Variants in SUPT20H observed in about 807,000 individuals in gnomAD.
The protein encoded by SUPT20H is SPT20 homolog, SAGA complex component.
A neutral mutation model predicts 122.8 loss-of-function variants in SUPT20H; 82 were observed. That is an observed-to-expected ratio of 0.67 (90% CI 0.56 to 0.80). The LOEUF (loss-of-function observed/expected upper bound fraction) is 0.80, where lower values mean the gene tolerates loss of function less well. Among genes scored for constraint, SUPT20H ranks in the 30% least tolerant of loss-of-function variants. The probability of loss-of-function intolerance (pLI) is 0.00; values close to 1 mark genes in which losing one functional copy is unlikely to be tolerated. For synonymous variants in SUPT20H, 291 were observed against 313.0 expected (o/e 0.93, Z 0.74); for missense variants, 831 against 921.6 (o/e 0.90, Z 1.27).
In SUPT20H at chr13:37,029,782, T is replaced by C; in HGVS notation, c.976A>G (p.Thr326Ala). 6.3e-7 allele frequency: 1 copy of C among 1,599,940 alleles called. No individual in the cohort carries two copies. Among genetic ancestry groups the C allele is most frequent in the Non-Finnish European group, 8.5e-7 (1 of 1,174,232 alleles). ...KSIKSDDSQP[T>A]VWPAHDVKDD... ...TTTCTTACATGGGCTGGCCAGACTG[T>C]TGGCTGTGAGTCATCAGATTTGATA... The change falls in exon 13 of 26, where the codon ACA becomes GCA. Residue 326 changes from threonine (T) to alanine (A), a missense_variant. By Grantham distance (58) the Thr-to-Ala change is moderately conservative. Coordinates refer to ENST00000350612, the MANE Select transcript of SUPT20H (RefSeq NM_001014286.3).
chr13:37,040,805 T>C (rs1423373626), intron 7 of SUPT20H, 113 bp from the exon 8 acceptor site: 7 of 740,886 alleles, frequency 9.4e-6, no homozygotes, highest in South Asian at 3.4e-5. Flanking sequence ...TGGCCACTCA[T>C]GTATGTACTC....
intron 14 of SUPT20H, 102 bp downstream of exon 14, chr13:37,028,030 TAATAAGTGAGTTCCCA>T: frequency 1.1e-6 from 1 of 914,736 alleles, no homozygotes; most frequent in Non-Finnish European, 1.5e-6. Context: ...TATATTTAAC[TAATAAGTGAGTTCCCA>T]AAGAGAAATT....
chr13:37,034,085 CCTT>C (rs779010392), intron 9 of SUPT20H, among the ~76,000 whole-genome samples: 2 of 152,222 alleles, frequency 1.3e-5, no homozygotes, highest in Admixed American at 6.5e-5. Context: ...CTATCTTTCT[CCTT>C]CTTCTCAGGA....
In SUPT20H at chr13:37,059,555, C is replaced by G. The variant is rs2070190964; in HGVS notation, c.-94+4G>C. On this transcript the variant is annotated splice_donor_region_variant and intron_variant, in intron 1 of 25. Coordinates refer to ENST00000350612, the MANE Select transcript of SUPT20H (RefSeq NM_001014286.3). ...CTGGCCACCCACCTACCGCCACCGC[C>G]CACCTGTGCGGGTCGCCTCGCCGCT... 1 of 152,516 alleles carries G rather than the reference C, an allele frequency of 6.6e-6. No individual in the cohort carries two copies. Among genetic ancestry groups the G allele is most frequent in the African/African-American group, 2.4e-5 (1 of 41,476 alleles). 9.4% of individuals were successfully genotyped at this position (152,516 alleles called of 1,614,324 possible). A position where few individuals can be genotyped will look rare whatever the true frequency, so the allele number is the denominator to read the frequency against.
chr13:37,045,310 C>G lies in SUPT20H; in HGVS notation c.229G>C (p.Val77Leu), dbSNP rs1478388073. The stretch of plus-strand genomic sequence containing the variant: ...TCATTTCCTGGGTATAGATTGACCA[C>G]TAAACATGACAAAGTCTCTTGCATA... ...LVMQETLSCL[V>L]VNLYPGNEGY... The change falls in exon 6 of 26, where the codon GTG (valine) becomes CTG (leucine). Residue 77 changes from valine to leucine, a missense_variant. Physicochemically the swap from Val to Leu is conservative, Grantham distance 32 (BLOSUM62 1). Coordinates refer to ENST00000350612, the MANE Select transcript of SUPT20H (RefSeq NM_001014286.3). 1 of 1,613,748 alleles carries G rather than the reference C, an allele frequency of 6.2e-7. No homozygotes were observed. The highest frequency in any genetic ancestry group is 1.3e-5 in the African/African-American group (1 of 75,018).
chr13:37,027,199 C>A (rs896380158), intron 14 of SUPT20H, among the ~76,000 whole-genome samples: 1 of 151,692 alleles, frequency 6.6e-6, no homozygotes, highest in Non-Finnish European at 1.5e-5. Context: ...CATAAATATA[C>A]CCCTGTAACA....
At chr13:37,057,333 A>G (rs1234306002) in intron 1 of SUPT20H, among the ~76,000 whole-genome samples, 2 of 151,914 alleles carry the variant, frequency 1.3e-5, no homozygotes, top group African/African-American at 2.4e-5. Context: ...AATAGAAAAC[A>G]TTTGCTCTGA....
chr13:37,010,736 G>A, intron 24 of SUPT20H, 81 bp from the exon 25 acceptor site: 1 of 949,320 alleles, frequency 1.1e-6, no homozygotes, highest in South Asian at 1.5e-5. Flanking sequence ...CATAGAAAAT[G>A]AAATAATAGA....
chr13:37,027,759 C>G (rs1019271308), intron 14 of SUPT20H, among the ~76,000 whole-genome samples: 1 of 152,078 alleles, frequency 6.6e-6, no homozygotes, highest in Non-Finnish European at 1.5e-5. Flanking sequence ...TGTGTCCTTA[C>G]ATGCAGTGCC....
chr13:37,021,338 C>T, intron 21 of SUPT20H, 110 bp downstream of exon 21: 3 of 1,164,960 alleles, frequency 2.6e-6, no homozygotes, highest in Non-Finnish European at 3.4e-6. Context: ...TGATACAACA[C>T]TTCATGAAAT....
intron 21 of SUPT20H, 124 bp downstream of exon 21, chr13:37,021,320 AATAT>A (rs1392507518): frequency 7.5e-5 from 76 of 1,007,878 alleles, no homozygotes; most frequent in Non-Finnish European, 9.9e-5. Context: ...TTTTAAGTGA[AATAT>A]ATGTGATACA....
intron 20 of SUPT20H, 35 bp from the exon 21 acceptor site, chr13:37,021,637 T>C (rs1260983933): frequency 1.9e-6 from 3 of 1,560,670 alleles, no homozygotes; most frequent in Non-Finnish European, 2.6e-6. Flanking sequence ...TAAACTTCAC[T>C]GTAAAAGGAA....
intron 7 of SUPT20H, among the ~76,000 whole-genome samples, chr13:37,042,395 T>C (rs1003035997): frequency 9.2e-5 from 14 of 151,996 alleles, no homozygotes; most frequent in Admixed American, 5.2e-4. Context: ...TAAAAACCCA[T>C]GAAACTGGCT....
At position 37,053,175 on chromosome 13, in the gene SUPT20H, A is replaced by G. The variant is rs185561853; in HGVS notation, c.-93-1592T>C. 2.9e-3 allele frequency among the ~76,000 whole-genome samples: 439 copies of G among 152,270 alleles called. 1 individual carries two copies. Among genetic ancestry groups the G allele is most frequent in the African/African-American group, 9.7e-3 (404 of 41,564 alleles). On this transcript the variant is annotated intron_variant, in intron 1 of 25. Coordinates refer to ENST00000350612, the MANE Select transcript of SUPT20H (RefSeq NM_001014286.3). ...CCAGCAATCCCATTACTGGGTATAT[A>G]CCAAAGGATTATAAATCATTCTACT... is the stretch of plus-strand genomic sequence containing the variant.
chr13:37,024,277 A>T, intron 18 of SUPT20H, 63 bp downstream of exon 18: 1 of 1,525,576 alleles, frequency 6.6e-7, no homozygotes. Flanking sequence ...AAAGTTTTAA[A>T]AAGAGATTAT....
At chr13:37,058,077 A>G (rs2069618113) in intron 1 of SUPT20H, among the ~76,000 whole-genome samples, 1 of 151,608 alleles carries the variant, frequency 6.6e-6, no homozygotes, top group South Asian at 2.1e-4. Flanking sequence ...CAGCCTGACC[A>G]ACAATGGTGA....
intron 1 of SUPT20H, among the ~76,000 whole-genome samples, chr13:37,057,807 C>G (rs1042243380): frequency 6.6e-6 from 1 of 151,946 alleles, no homozygotes; most frequent in Non-Finnish European, 1.5e-5. Context: ...AACCCCGTCT[C>G]TACTAAAAAC....
chr13:37,012,080 T>C (rs1028984855), intron 24 of SUPT20H, 112 bp downstream of exon 24: 2 of 804,328 alleles, frequency 2.5e-6, no homozygotes, highest in Non-Finnish European at 4.0e-6. Flanking sequence ...GCTTTACTTT[T>C]TCCTGTTTAC....
intron 23 of SUPT20H, chr13:37,013,730 G>C (rs1034220493): frequency 1.3e-5 from 2 of 151,980 alleles, no homozygotes; most frequent in African/African-American, 2.4e-5. Context: ...GTATATAATT[G>C]CAAGCCAAAC....
Sources: gnomAD v4.1 joint callset for allele counts (sites outside exome capture counted in the v4.1 genomes callset) on GRCh38, gnomAD v4.1.1 for gene constraint, MANE v1.5 for transcripts, NCBI Gene and HGNC (gene_info 2026-07-23, HGNC 2026-07-21) for gene names.